PHKA1: variants seen among roughly 807,000 people sequenced by gnomAD.
PHKA1 encodes the protein phosphorylase kinase regulatory subunit alpha 1.
In PHKA1, 60 loss-of-function variants were observed where a neutral mutation model predicts 110.2. The ratio of observed to expected loss-of-function variants is 0.54; its 90% CI spans 0.44 to 0.68. The LOEUF (loss-of-function observed/expected upper bound fraction) is 0.68, where lower values mean the gene tolerates loss of function less well. Among genes scored for constraint, PHKA1 ranks in the 30% least tolerant of loss-of-function variants. The pLI, the probability that PHKA1 is intolerant of heterozygous loss-of-function variation, is 0.00. For missense variants in PHKA1, 801 were observed against 942.5 expected (o/e 0.85, Z 1.97); for synonymous variants, 316 against 333.6 (o/e 0.95, Z 0.58).
chrX:72,641,208 C>T (rs1366299321), intron 14 of PHKA1, among the ~76,000 whole-genome samples: 2 of 111,441 alleles, frequency 1.8e-5, no homozygotes, highest in East Asian at 2.8e-4. Flanking sequence ...TGAATTAGTT[C>T]GTCTTTGTAA....
At chrX:72,586,781 G>T (rs145747052) in intron 29 of PHKA1, among the ~76,000 whole-genome samples, 1 of 110,012 alleles carries the variant, frequency 9.1e-6, no homozygotes, top group African/African-American at 3.3e-5. Flanking sequence ...ACTACGTGAC[G>T]CACGCACAAG....
At chrX:72,645,292 C>T (rs1459107532) in intron 13 of PHKA1, among the ~76,000 whole-genome samples, 2 of 112,592 alleles carry the variant, frequency 1.8e-5, no homozygotes, top group African/African-American at 6.5e-5. Context: ...TCTACTCCTG[C>T]TCCTCTAGTG....
chrX:72,622,023 T>C (rs1239671660), intron 18 of PHKA1: 1 of 748,606 alleles, frequency 1.3e-6, no homozygotes, highest in African/African-American at 2.3e-5. Flanking sequence ...TCTCAATATA[T>C]GATCTTCTCA....
At chrX:72,684,687 C>T in intron 4 of PHKA1, 107 bp from the exon 5 acceptor site, 1 of 537,037 alleles carries the variant, frequency 1.9e-6, no homozygotes, top group Non-Finnish European at 3.3e-6. Context: ...AATCCTACTC[C>T]TGCCTAGGAA....
chrX:72,641,239 A>G (rs1172822546), intron 14 of PHKA1, among the ~76,000 whole-genome samples: 6 of 111,930 alleles, frequency 5.4e-5, no homozygotes, highest in East Asian at 2.8e-4. Flanking sequence ...GGCAACATGT[A>G]ACAAGAGCTA....
At chrX:72,596,333 G>A (rs1400085213) in intron 28 of PHKA1, among the ~76,000 whole-genome samples, 1 of 111,076 alleles carries the variant, frequency 9.0e-6, no homozygotes, top group South Asian at 3.8e-4. Context: ...TGGGTATAAA[G>A]TTTCAGTTAT....
intron 16 of PHKA1, among the ~76,000 whole-genome samples, chrX:72,627,646 T>G (rs922665357): frequency 1.8e-5 from 2 of 111,342 alleles, no homozygotes; most frequent in South Asian, 7.6e-4. Flanking sequence ...ACCTACATCT[T>G]GATGCACTTA....
intron 14 of PHKA1, among the ~76,000 whole-genome samples, chrX:72,641,236 T>C (rs1038662306): frequency 8.9e-6 from 1 of 111,863 alleles, no homozygotes; most frequent in Non-Finnish European, 1.9e-5. Flanking sequence ...TCTGGCAACA[T>C]GTAACAAGAG....
intron 6 of PHKA1, among the ~76,000 whole-genome samples, chrX:72,667,788 A>G (rs1234113929): frequency 9.0e-6 from 1 of 111,689 alleles, no homozygotes; most frequent in Non-Finnish European, 1.9e-5. Flanking sequence ...TTTTTAAAAT[A>G]GAATTTATTT....
At chrX:72,606,816 C>T (rs1371421766) in intron 23 of PHKA1, among the ~76,000 whole-genome samples, 1 of 111,393 alleles carries the variant, frequency 9.0e-6, no homozygotes, top group Non-Finnish European at 1.9e-5. Context: ...TATTCATTCT[C>T]TCCAACTACT....
chrX:72,650,997 A>G (rs1556298862), intron 12 of PHKA1, among the ~76,000 whole-genome samples: 1 of 112,389 alleles, frequency 8.9e-6, no homozygotes, highest in African/African-American at 3.2e-5. Context: ...TATAAGCATG[A>G]GCCACTGCAC....
At chrX:72,682,667 G>A (rs1479154096) in intron 5 of PHKA1, among the ~76,000 whole-genome samples, 2 of 100,066 alleles carry the variant, frequency 2.0e-5, no homozygotes, top group Non-Finnish European at 2.0e-5. Flanking sequence ...TGTCCACTCA[G>A]GGTTAAATGG....
intron 11 of PHKA1, 100 bp downstream of exon 11, chrX:72,653,335 C>T (rs1556299796): frequency 3.6e-6 from 2 of 562,261 alleles, no homozygotes; most frequent in African/African-American, 4.6e-5. Context: ...TTCAGAACAA[C>T]AAAATAAGAT....
intron 12 of PHKA1, among the ~76,000 whole-genome samples, chrX:72,652,283 G>A (rs994993642): frequency 9.0e-6 from 1 of 111,471 alleles, no homozygotes; most frequent in Non-Finnish European, 1.9e-5. Flanking sequence ...GAAAGGGATA[G>A]ATCTGGGGCC....
In PHKA1 at chrX:72,602,027, C is replaced by T. The variant is rs2147674398; in HGVS notation, c.3036G>A (p.Val1012=). The T allele has an allele frequency of 8.4e-7, 1 of 1,193,238 alleles. No homozygotes were observed. ...CTGAGATTGACAGTCTACGAAATTC[C>T]ACCTGAAACATAAATGGCTCAAATT... ...IMQLKSEIKQ[V]EFRRLSISAE... Residue 1012 remains valine (V), a splice_region_variant and synonymous_variant, in exon 28 of 32, where the codon GTG becomes GTA. Coordinates refer to ENST00000373542, the MANE Select transcript of PHKA1 (RefSeq NM_002637.4).
chrX:72,632,127 T>C (rs1179725477), intron 16 of PHKA1, among the ~76,000 whole-genome samples: 1 of 112,039 alleles, frequency 8.9e-6, no homozygotes, highest in African/African-American at 3.2e-5. Flanking sequence ...TAAACATTCT[T>C]TGTGTGTTCT....
intron 17 of PHKA1, 67 bp from the exon 18 acceptor site, chrX:72,623,342 G>T: frequency 2.3e-6 from 2 of 863,283 alleles, no homozygotes; most frequent in Non-Finnish European, 1.7e-6. Context: ...CACAATCTTA[G>T]TGATAAAAGG....
At chrX:72,591,175 A>G (rs1423327079) in intron 29 of PHKA1, among the ~76,000 whole-genome samples, 1 of 112,367 alleles carries the variant, frequency 8.9e-6, no homozygotes, top group Non-Finnish European at 1.9e-5. Context: ...ATGCCCATCA[A>G]TGATAGACTG....
intron 5 of PHKA1, among the ~76,000 whole-genome samples, chrX:72,680,171 C>T (rs1483198167): frequency 1.8e-4 from 20 of 111,023 alleles, no homozygotes; most frequent in African/African-American, 5.9e-4. Context: ...CACGCCACCA[C>T]GCCCAGCTAA....
Sources: allele counts gnomAD v4.1 joint callset (sites outside exome capture counted in the v4.1 genomes callset), GRCh38; gene constraint gnomAD v4.1.1; transcripts MANE v1.5; gene names NCBI Gene and HGNC (gene_info 2026-07-23, HGNC 2026-07-21).